TBC1D9B: variants seen among roughly 807,000 people sequenced by gnomAD.
The protein encoded by TBC1D9B is TBC1 domain family member 9B.
TBC1D9B carries 87 observed loss-of-function variants against 121.1 expected under a neutral mutation model. The observed-to-expected ratio is 0.72, with a 90% confidence interval of 0.60 to 0.86. The LOEUF (loss-of-function observed/expected upper bound fraction) is 0.86. Ranked by LOEUF, TBC1D9B falls within the 40% of genes least tolerant of loss-of-function variation. TBC1D9B has a pLI of 0.00. For missense variants in TBC1D9B, 1,540 were observed against 1,628.6 expected, an observed-to-expected ratio of 0.95 and a Z score of 0.94; for synonymous variants, 668 against 670.1, an observed-to-expected ratio of 1.00 and a Z score of 0.05.
At chr5:179,867,112 A>C (rs527676271) in intron 18 of TBC1D9B, 132 of 250,532 alleles carry the variant, frequency 5.3e-4, no homozygotes, top group African/African-American at 2.7e-3. Context: ...TCCAGCCCCC[A>C]CTCAGCCACA....
Position 179,870,228 on chromosome 5 carries a change from CCCCTGGTAGG to C in TBC1D9B, c.2725+17_2725+26del, listed in dbSNP as rs1561633963. 6.2e-7 allele frequency: 1 copy of C among 1,611,924 alleles called. No homozygotes were observed. The highest frequency in any genetic ancestry group is 8.5e-7 in the Non-Finnish European group (1 of 1,178,768). On this transcript the variant is annotated intron_variant, in intron 16 of 20. Transcript: ENST00000355235. ...TGGGAAAGGGTGAGGGAGGGTCAAG[CCCCTGGTAGG>C]CCCTGCAGGCACTCACTCATCCCTG...
Position 179,885,654 on chromosome 5 carries a change from G to A in TBC1D9B, c.1254+2449C>T, listed in dbSNP as rs928849014. Among the ~76,000 whole-genome samples, 8 of 151,872 alleles carry A rather than the reference G, an allele frequency of 5.3e-5. No individual in the cohort carries two copies. The highest frequency in any genetic ancestry group is 1.9e-4 in the East Asian group (1 of 5,188). On this transcript the variant is annotated intron_variant, in intron 7 of 20. Transcript: ENST00000355235. This position sits in a 1 kb window ranked among gnomAD's most constrained non-coding sequence, Gnocchi z 4.5. ...TTTTCATACGAAGTCTCCAAAACCC[G>A]TGTACAGTGATCTGAACACTCACAG...
chr5:179,875,260 G>A lies in TBC1D9B; in HGVS notation c.1901-73C>T, dbSNP rs867655927. The stretch of plus-strand genomic sequence containing the variant: ...GGGTGGGCCCTCACCTGCAGCGTAC[G>A]AGCCCTGGCCACTCCAGCCCTGCCA... On this transcript the variant is annotated intron_variant, in intron 11 of 20. Coordinates refer to ENST00000355235, the MANE Select transcript of TBC1D9B (RefSeq NM_015043.4). The surrounding 1 kb of genome is among the most constrained non-coding windows in gnomAD (Gnocchi z 4.5). 2.6e-6 allele frequency: 4 copies of A among 1,538,988 alleles called. No individual in the cohort carries two copies. Among genetic ancestry groups the A allele is most frequent in the Non-Finnish European group, 2.6e-6 (3 of 1,145,796 alleles).
At chr5:179,881,803 C>T (rs778167208) in intron 7 of TBC1D9B, among the ~76,000 whole-genome samples, 48 of 152,166 alleles carry the variant, frequency 3.2e-4, no homozygotes, top group Non-Finnish European at 4.9e-4. Context: ...TTCCCTACTA[C>T]AAGCAATATT....
intron 10 of TBC1D9B, among the ~76,000 whole-genome samples, chr5:179,876,858 C>T (rs1450933208): frequency 1.3e-5 from 2 of 151,906 alleles, no homozygotes; most frequent in Non-Finnish European, 2.9e-5. Context: ...ATCACTTGAG[C>T]CCAGGAGTTC....
rs773108212 is a variant in TBC1D9B at position 179,890,656 on chromosome 5, G to C, written c.1044+723C>G. Reference sequence around the variant, plus strand: ...GGTCTTTAAGTTAAGAATCTCACTTGATTCTTCTTATAATTAAACAGTCAG... The same window carrying C: ...GGTCTTTAAGTTAAGAATCTCACTTCATTCTTCTTATAATTAAACAGTCAG... On this transcript the variant is annotated intron_variant, in intron 6 of 20. Transcript: ENST00000355235. The surrounding 1 kb of genome is among the most constrained non-coding windows in gnomAD (Gnocchi z 5.0). 5.9e-5 allele frequency among the ~76,000 whole-genome samples: 9 copies of C among 152,212 alleles called. No individual in the cohort carries two copies. The highest frequency in any genetic ancestry group is 1.3e-4 in the Non-Finnish European group (9 of 68,042).
rs1187997313 is a variant in TBC1D9B, at chr5:179,904,116, T to C, written c.229+586A>G. Among the ~76,000 whole-genome samples the C allele has an allele frequency of 6.6e-6, 1 of 152,040 alleles. No individual in the cohort carries two copies. Among genetic ancestry groups the C allele is most frequent in the African/African-American group, 2.4e-5 (1 of 41,366 alleles). ...ACGTCTACCTTGAGAAAAGGTGGCA[T>C]GAGAATGTGGACATTGGCTAGCCCC... On this transcript the variant is annotated intron_variant, in intron 2 of 20. Transcript: ENST00000355235. This position sits in a 1 kb window ranked among gnomAD's most constrained non-coding sequence, Gnocchi z 4.2.
intron 20 of TBC1D9B, 98 bp from the exon 21 acceptor site, chr5:179,864,226 G>T: frequency 2.5e-6 from 3 of 1,220,874 alleles, no homozygotes. Flanking sequence ...GCCTAAGGAT[G>T]TTGGCTGCCG....
chr5:179,907,512 C>G lies in TBC1D9B; in HGVS notation c.118+192G>C, dbSNP rs1327413491. On this transcript the variant is annotated intron_variant, in intron 1 of 20. Transcript: ENST00000355235. This position sits in a 1 kb window ranked among gnomAD's most constrained non-coding sequence, Gnocchi z 5.3. ...TTCGCCTCCCGCCAGCCCCTCGCCT[C>G]CCCGCCCCGGCCCCTCCGCGCCCGG... Among the ~76,000 whole-genome samples, 1 of 150,484 alleles carries G rather than the reference C, an allele frequency of 6.6e-6. No individual in the cohort carries two copies. The highest frequency in any genetic ancestry group is 1.5e-5 in the Non-Finnish European group (1 of 67,476).
intron 20 of TBC1D9B, among the ~76,000 whole-genome samples, chr5:179,864,980 A>G (rs1421100895): frequency 1.3e-5 from 2 of 152,236 alleles, no homozygotes; most frequent in Non-Finnish European, 1.5e-5. Context: ...TGTGGAACGC[A>G]TATCTTGTCA....
In TBC1D9B at chr5:179,886,807, A is replaced by C. The variant is rs1582092450; in HGVS notation, c.1254+1296T>G. On this transcript the variant is annotated intron_variant, in intron 7 of 20. Transcript: ENST00000355235. ...CTTCTAATGGCCAAATGTTTTTGCA[A>C]ATTCAGACTCAACGACAGCAGCAGC... Among the ~76,000 whole-genome samples, 3 of 152,304 alleles carry C rather than the reference A, an allele frequency of 2.0e-5. No homozygotes were observed. The East Asian group carries it at 5.8e-4, about 29-fold the overall frequency.
In TBC1D9B at chr5:179,904,783, G is replaced by C; in HGVS notation, c.148C>G (p.Leu50Val). 1 of 1,571,592 alleles carries C rather than the reference G, an allele frequency of 6.4e-7. No homozygotes were observed. Among genetic ancestry groups the C allele is most frequent in the Non-Finnish European group, 8.6e-7 (1 of 1,158,322 alleles). Residue 50 changes from leucine (L) to valine (V), a missense_variant, in exon 2 of 21, where the codon CTG becomes GTG. Transcript: ENST00000355235. The surrounding 1 kb of genome is among the most constrained non-coding windows in gnomAD (Gnocchi z 4.2). ...GLLVGTLDVV[L>V]DSSARVAPYR... ...GGGGCCACGCGGGCACTGGAGTCCA[G>C]CACCACGTCCAGGGTGCCCACGAGA...
chr5:179,867,952 C>CTG, intron 17 of TBC1D9B, 103 bp from the exon 18 acceptor site: 1 of 1,139,202 alleles, frequency 8.8e-7, no homozygotes, highest in Non-Finnish European at 1.2e-6. Context: ...TCCCTGCCCA[C>CTG]GAGCCTGGCC....
Position 179,862,847 on chromosome 5 carries a change from T to C in TBC1D9B, c.*601A>G, listed in dbSNP as rs1450093209. ...GGACCTGAGGGATGTTTTTTTAAAG[T>C]TACTGGAAAGGATGATGAGCTGAGA... On this transcript the variant is annotated 3_prime_UTR_variant, in exon 21 of 21. Transcript: ENST00000355235. 9.0e-6 allele frequency: 3 copies of C among 332,152 alleles called. No homozygotes were observed. The highest frequency in any genetic ancestry group is 2.3e-5 in the South Asian group (1 of 43,680). The allele number at this position is 332,152 out of a possible 1,614,324, so 20.6% of individuals were successfully genotyped here. A position where few individuals can be genotyped will look rare whatever the true frequency, so the allele number is the denominator to read the frequency against.
intron 1 of TBC1D9B, among the ~76,000 whole-genome samples, chr5:179,906,220 T>C (rs1481089601): frequency 1.3e-5 from 2 of 152,330 alleles, no homozygotes; most frequent in Middle Eastern, 3.4e-3. Context: ...ATGCCCATGA[T>C]GGCACAGGGA....
At position 179,875,505 on chromosome 5, in the gene TBC1D9B, C is replaced by T. The variant is rs932086838; in HGVS notation, c.1901-318G>A. ...TCCCATCCTGATGATTGTGAATAGA[C>T]GCAGCTCTGAAGGACCCCAAGAGCG... On this transcript the variant is annotated intron_variant, in intron 11 of 20. Coordinates refer to ENST00000355235, the MANE Select transcript of TBC1D9B (RefSeq NM_015043.4). This position sits in a 1 kb window ranked among gnomAD's most constrained non-coding sequence, Gnocchi z 4.5. Among the ~76,000 whole-genome samples the T allele has an allele frequency of 2.6e-5, 4 of 152,148 alleles. No homozygotes were observed. Among genetic ancestry groups the T allele is most frequent in the Non-Finnish European group, 2.9e-5 (2 of 68,040 alleles).
At chr5:179,887,384 C>T (rs1177152981) in intron 7 of TBC1D9B, among the ~76,000 whole-genome samples, 1 of 152,258 alleles carries the variant, frequency 6.6e-6, no homozygotes, top group African/African-American at 2.4e-5. Context: ...TCGGTCTCAC[C>T]GCTCAACCAA....
chr5:179,902,628 A>G lies in TBC1D9B; in HGVS notation c.229+2074T>C, dbSNP rs1761195237. ...CCAGCACCAGGCCTGCTGTGACTAA[A>G]GGGATTCCCACTCTGCCCCTCGTAC... is the stretch of plus-strand genomic sequence containing the variant. On this transcript the variant is annotated intron_variant, in intron 2 of 20. Transcript: ENST00000355235. This position sits in a 1 kb window ranked among gnomAD's most constrained non-coding sequence, Gnocchi z 4.9. Among the ~76,000 whole-genome samples the G allele has an allele frequency of 1.3e-5, 2 of 152,182 alleles. No homozygotes were observed. Among genetic ancestry groups the G allele is most frequent in the African/African-American group, 4.8e-5 (2 of 41,434 alleles).
At position 179,907,450 on chromosome 5, in the gene TBC1D9B, C is replaced by G. The variant is rs1251575898; in HGVS notation, c.118+254G>C. Among the ~76,000 whole-genome samples, 1 of 151,460 alleles carries G rather than the reference C, an allele frequency of 6.6e-6. No individual in the cohort carries two copies. ...GCCGCCGCCGGTCTCCACTTGGCCG[C>G]CCCAAGCCGACCTGAGGAGAGCCCG... is the stretch of plus-strand genomic sequence containing the variant. On this transcript the variant is annotated intron_variant, in intron 1 of 20. Coordinates refer to ENST00000355235, the MANE Select transcript of TBC1D9B (RefSeq NM_015043.4). The surrounding 1 kb of genome is among the most constrained non-coding windows in gnomAD (Gnocchi z 5.3).
Sources: gnomAD v4.1 joint callset for allele counts (sites outside exome capture counted in the v4.1 genomes callset) on GRCh38, gnomAD v4.1.1 for gene constraint, Gnocchi (gnomAD v3.1) non-coding constraint, MANE v1.5 for transcripts, NCBI Gene and HGNC (gene_info 2026-07-23, HGNC 2026-07-21) for gene names.